ACAN: variants seen among roughly 807,000 people sequenced by gnomAD.
ACAN encodes the protein aggrecan, also known as aggrecan core protein.
ACAN carries 47 observed loss-of-function variants against 169.1 expected under a neutral mutation model. The ratio of observed to expected loss-of-function variants is 0.28; its 90% confidence interval spans 0.22 to 0.35. ACAN has a LOEUF of 0.35. Among genes scored for constraint, ACAN ranks in the 10% least tolerant of loss-of-function variants. ACAN has a pLI of 1.00. For missense variants in ACAN, 2,716 were observed against 2,759.9 expected (o/e 0.98, Z 0.36); for synonymous variants, 1,115 against 1,112.2 (o/e 1.00, Z -0.05).
rs201052435 is a variant in ACAN at position 88,842,526 on chromosome 15, AC to A, written c.757+661del. On this transcript the variant is annotated intron_variant, in intron 5 of 18. Coordinates refer to ENST00000560601, the MANE Select transcript of ACAN (RefSeq NM_001369268.1). ...TCCCTGCCCATCCCCCCTCCCCCCTACCTGAGCACAGTGCCCACAGCTCCTC... is the reference window on the plus strand; with the variant it reads ...TCCCTGCCCATCCCCCCTCCCCCCTACTGAGCACAGTGCCCACAGCTCCTC... Among the ~76,000 whole-genome samples, 87 of 112,024 alleles carry A rather than the reference AC, an allele frequency of 7.8e-4. No individual in the cohort carries two copies. In the East Asian group the frequency reaches 0.016, roughly 20 times the overall value. 73.5% of individuals were successfully genotyped at this position (112,024 alleles called of 152,430 possible).
rs1487434898 is a variant in ACAN at position 88,874,487 on chromosome 15, G to A, written c.*6G>A. ...GCCCCAGCACAGCCCACTGAGAAGA[G>A]CTTCCAGGACGCACCCAGGACGCTG... On this transcript the variant is annotated 3_prime_UTR_variant, in exon 19 of 19. Coordinates refer to ENST00000560601, the MANE Select transcript of ACAN (RefSeq NM_001369268.1). This position sits in a 1 kb window ranked among gnomAD's most constrained non-coding sequence, Gnocchi z 7.3. The A allele has an allele frequency of 1.3e-6, 2 of 1,596,064 alleles. No homozygotes were observed. The highest frequency in any genetic ancestry group is 4.5e-5 in the East Asian group (2 of 43,990).
Position 88,844,866 on chromosome 15 carries a change from G to A in ACAN, c.1052-639G>A, listed in dbSNP as rs899531097. Among the ~76,000 whole-genome samples the A allele has an allele frequency of 7.7e-4, 117 of 152,208 alleles. 3 individuals are homozygous for A. The highest frequency in any genetic ancestry group is 2.1e-4 in the Non-Finnish European group (14 of 68,048). ...GAGTTGCAAAACTTTTATGTACTAA[G>A]TGGTGATAACACAATGACAACTCAT... On this transcript the variant is annotated intron_variant, in intron 6 of 18. Transcript: ENST00000560601.
chr15:88,826,594 G>T (rs1254070332), intron 1 of ACAN, among the ~76,000 whole-genome samples: 1 of 152,002 alleles, frequency 6.6e-6, no homozygotes, highest in Non-Finnish European at 1.5e-5. Context: ...AATGGACCCT[G>T]TGTTACTCAT....
At chr15:88,835,911 A>G (rs1332745206) in intron 1 of ACAN, among the ~76,000 whole-genome samples, 1 of 152,222 alleles carries the variant, frequency 6.6e-6, no homozygotes, top group African/African-American at 2.4e-5. Context: ...GTTGACTCAT[A>G]CAATTAACCA....
chr15:88,804,818 G>T (rs1409817190), intron 1 of ACAN, among the ~76,000 whole-genome samples: 2 of 152,198 alleles, frequency 1.3e-5, no homozygotes, highest in African/African-American at 4.8e-5. Context: ...TGGAGTTCCA[G>T]CATGTTGACT....
Position 88,843,597 on chromosome 15 carries a change from C to G in ACAN, c.1000C>G (p.Gln334Glu). The stretch of plus-strand genomic sequence containing the variant: ...GAGGACCGTCTACGTGCATGCCAAC[C>G]AGACGGGCTACCCCGACCCCTCATC... ...GVRTVYVHAN[Q>E]TGYPDPSSRY... is the part of the protein sequence containing the mutation. The change falls in exon 6 of 19, where the codon CAG (glutamine) becomes GAG (glutamate). Residue 334 changes from glutamine (Q) to glutamate (E), a missense_variant. Coordinates refer to ENST00000560601, the MANE Select transcript of ACAN (RefSeq NM_001369268.1). The surrounding 1 kb of genome is among the most constrained non-coding windows in gnomAD (Gnocchi z 4.0). 1 of 1,603,756 alleles carries G rather than the reference C, an allele frequency of 6.2e-7. No homozygotes were observed. The highest frequency in any genetic ancestry group is 8.5e-7 in the Non-Finnish European group (1 of 1,172,426).
chr15:88,860,387 A>C lies in ACAN; in HGVS notation c.6894A>C (p.Gly2298=), dbSNP rs373512626. ...CTGGGACCTGCAAGGAGACAGAGGG[A>C]CACGTCATATGCCTGTGCCCCCCTG... ...CGAGTCKETE[G]HVICLCPPGY... The change falls in exon 13 of 19, where the codon GGA becomes GGC. Residue 2298 remains glycine (G), a synonymous_variant. Coordinates refer to ENST00000560601, the MANE Select transcript of ACAN (RefSeq NM_001369268.1). 1.6e-5 allele frequency: 26 copies of C among 1,613,656 alleles called. No individual in the cohort carries two copies. The African/African-American group carries it at 3.3e-4, about 21-fold the overall frequency.
At chr15:88,846,455 T>A (rs1191107569) in intron 7 of ACAN, among the ~76,000 whole-genome samples, 1 of 152,192 alleles carries the variant, frequency 6.6e-6, no homozygotes, top group African/African-American at 2.4e-5. Flanking sequence ...AAATTCAAAT[T>A]TCAATGTCCA....
At position 88,843,942 on chromosome 15, in the gene ACAN, C is replaced by T. The variant is rs1896731565; in HGVS notation, c.1051+294C>T. Among the ~76,000 whole-genome samples, 1 of 152,210 alleles carries T rather than the reference C, an allele frequency of 6.6e-6. No individual in the cohort carries two copies. Among genetic ancestry groups the T allele is most frequent in the South Asian group, 2.1e-4 (1 of 4,832 alleles). On this transcript the variant is annotated intron_variant, in intron 6 of 18. Coordinates refer to ENST00000560601, the MANE Select transcript of ACAN (RefSeq NM_001369268.1). The surrounding 1 kb of genome is among the most constrained non-coding windows in gnomAD (Gnocchi z 4.0). ...TGAATCAAAGCTCTGTCACCTACTA[C>T]TGTGCAACCCTGGCAAAGTCAAGGC...
rs1312129777 is a variant in ACAN at position 88,858,990 on chromosome 15, A to G, written c.6405A>G (p.Ala2135=). ...GSPDLSETTS[A]FHEANLERSS... ...CTGATCTGAGTGAAACCACCTCTGC[A>G]TTCCACGAAGCTAACCTTGAGAGAT... The change falls in exon 12 of 19, where the codon GCA becomes GCG. Residue 2135 remains alanine, a synonymous_variant. Transcript: ENST00000560601. This position sits in a 1 kb window ranked among gnomAD's most constrained non-coding sequence, Gnocchi z 4.0. 1 of 1,613,952 alleles carries G rather than the reference A, an allele frequency of 6.2e-7. No homozygotes were observed. Among genetic ancestry groups the G allele is most frequent in the Admixed American group, 1.7e-5 (1 of 60,028 alleles).
chr15:88,849,815 T>C lies in ACAN; in HGVS notation c.2026+84T>C. ...TTCACCGGATCCTGCCACCACCCAG[T>C]ATCCCATCCATCAGAGCAAGAAAAT... On this transcript the variant is annotated intron_variant, in intron 10 of 18. Transcript: ENST00000560601. The surrounding 1 kb of genome is among the most constrained non-coding windows in gnomAD (Gnocchi z 5.1). 6.6e-7 allele frequency: 1 copy of C among 1,520,620 alleles called. No individual in the cohort carries two copies. The highest frequency in any genetic ancestry group is 9.0e-7 in the Non-Finnish European group (1 of 1,117,110). 94.2% of individuals were successfully genotyped at this position (1,520,620 alleles called of 1,614,324 possible).
chr15:88,833,886 T>C (rs2141550782), intron 1 of ACAN, among the ~76,000 whole-genome samples: 1 of 152,082 alleles, frequency 6.6e-6, no homozygotes, highest in South Asian at 2.1e-4. Context: ...TCCGAAAACA[T>C]ACACACAACC....
intron 12 of ACAN, 33 bp from the exon 13 acceptor site, chr15:88,860,293 C>G: frequency 2.0e-6 from 3 of 1,514,718 alleles, no homozygotes; most frequent in Non-Finnish European, 1.8e-6. Flanking sequence ...TGACTGTGTT[C>G]TTGATGCTCA....
At position 88,859,025 on chromosome 15, in the gene ACAN, T is replaced by G. The variant is rs1196263168; in HGVS notation, c.6440T>G (p.Leu2147Arg). Reference sequence around the variant, plus strand: ...GCTAACCTTGAGAGATCCTCTGGCCTAGGAGTGAGCGGCAGCACTTTGACA... The same window carrying G: ...GCTAACCTTGAGAGATCCTCTGGCCGAGGAGTGAGCGGCAGCACTTTGACA... The part of the protein sequence containing the change: ...HEANLERSSG[L>R]GVSGSTLTFQ... Residue 2147 changes from leucine to arginine, a missense_variant, in exon 12 of 19, where the codon CTA (leucine) becomes CGA (arginine). Coordinates refer to ENST00000560601, the MANE Select transcript of ACAN (RefSeq NM_001369268.1). The G allele has an allele frequency of 1.2e-6, 2 of 1,613,962 alleles. No individual in the cohort carries two copies. Among genetic ancestry groups the G allele is most frequent in the Admixed American group, 3.3e-5 (2 of 60,032 alleles).
rs1227497251 is a variant in ACAN at position 88,868,841 on chromosome 15, A to G, written c.7060+512A>G. On this transcript the variant is annotated intron_variant, in intron 14 of 18. Transcript: ENST00000560601. The surrounding 1 kb of genome is among the most constrained non-coding windows in gnomAD (Gnocchi z 5.2). The stretch of plus-strand genomic sequence containing the variant: ...TGGTCTGCCTGAGATCTCCCGTGTC[A>G]TCAGCATGCTCAAGTCATGCATGAG... Among the ~76,000 whole-genome samples, 2 of 152,194 alleles carry G rather than the reference A, an allele frequency of 1.3e-5. No individual in the cohort carries two copies. Among genetic ancestry groups the G allele is most frequent in the African/African-American group, 4.8e-5 (2 of 41,432 alleles).
At chr15:88,842,407 A>G (rs774250224) in intron 5 of ACAN, among the ~76,000 whole-genome samples, 16 of 152,136 alleles carry the variant, frequency 1.1e-4, no homozygotes, top group Non-Finnish European at 2.1e-4. Flanking sequence ...TTTTAGTCAC[A>G]GAGTTACCCA....
In ACAN at chr15:88,808,408, T is replaced by C. The variant is rs57631936; in HGVS notation, c.-8+4599T>C. Among the ~76,000 whole-genome samples the C allele has an allele frequency of 1.7e-3, 254 of 152,372 alleles. 1 individual carries two copies. Among genetic ancestry groups the C allele is most frequent in the African/African-American group, 5.7e-3 (237 of 41,596 alleles). ...GCAGCACTTGCTACATGCCAGGCAC[T>C]GTGCTAGGCATGGATAACATAGCAG... is the stretch of plus-strand genomic sequence containing the variant. On this transcript the variant is annotated intron_variant, in intron 1 of 18. Transcript: ENST00000560601.
chr15:88,838,891 A>G lies in ACAN; in HGVS notation c.299A>G (p.Tyr100Cys), dbSNP rs1325514648. 6.2e-7 allele frequency: 1 copy of G among 1,614,046 alleles called. No individual in the cohort carries two copies. The highest frequency in any genetic ancestry group is 8.5e-7 in the Non-Finnish European group (1 of 1,179,894). The change falls in exon 3 of 19, where the codon TAT (tyrosine) becomes TGT (cysteine). Residue 100 changes from tyrosine to cysteine, a missense_variant. Around this residue, in one of 3 missense-constraint regions of ACAN, gnomAD observed 1,283 missense variants for 1,281.5 expected, o/e 1.00. Transcript: ENST00000560601. This position sits in a 1 kb window ranked among gnomAD's most constrained non-coding sequence, Gnocchi z 5.1. Reference protein sequence around the residue: ...TEGRVRVNSAYQDKVSLPNYP... With the variant: ...TEGRVRVNSACQDKVSLPNYP... ...GGGCGCGTGCGGGTCAACAGTGCCT[A>G]TCAGGACAAGGTCTCACTGCCCAAC... is the stretch of plus-strand genomic sequence containing the variant.
rs749341648 is a variant in ACAN at position 88,845,834 on chromosome 15, C to T, written c.1381C>T (p.Leu461Phe). Residue 461 changes from leucine to phenylalanine, a missense_variant, in exon 7 of 19, where the codon CTC becomes TTC. Around this residue, in one of 3 missense-constraint regions of ACAN, gnomAD observed 1,283 missense variants for 1,281.5 expected, o/e 1.00. Transcript: ENST00000560601. Reference protein sequence around the residue: ...GPATAFTSEDLVVQVTAVPGQ... With the variant: ...GPATAFTSEDFVVQVTAVPGQ... The stretch of plus-strand genomic sequence containing the variant: ...TGCCACGGCATTCACCAGTGAGGAC[C>T]TCGTCGTGCAGGTGACCGCTGTCCC... 6.7e-7 allele frequency: 1 copy of T among 1,501,420 alleles called. No individual in the cohort carries two copies. The highest frequency in any genetic ancestry group is 2.2e-5 in the Admixed American group (1 of 44,948). The allele number at this position is 1,501,420 out of a possible 1,614,324, so 93.0% of individuals were successfully genotyped here. A position where few individuals can be genotyped will look rare whatever the true frequency, so the allele number is the denominator to read the frequency against.
Sources: allele counts gnomAD v4.1 joint callset (sites outside exome capture counted in the v4.1 genomes callset), GRCh38; gene constraint gnomAD v4.1.1; regional missense constraint gnomAD v4.1.1; non-coding constraint Gnocchi (gnomAD v3.1); transcripts MANE v1.5; gene names NCBI Gene and HGNC (gene_info 2026-07-23, HGNC 2026-07-21).